NXNL2: variants seen among roughly 807,000 people sequenced by gnomAD.
The protein encoded by NXNL2 is nucleoredoxin-like protein 2.
NXNL2 carries 7 observed loss-of-function variants against 11.1 expected under a neutral mutation model. That is an observed-to-expected ratio of 0.63 (90% CI 0.36 to 1.18). The LOEUF (loss-of-function observed/expected upper bound fraction) is 1.18. Among genes scored for constraint, NXNL2 ranks in the 50% most tolerant of loss-of-function variants. The pLI is 0.02. For missense variants in NXNL2, 233 were observed against 217.7 expected, an observed-to-expected ratio of 1.07 and a Z score of -0.44; for synonymous variants, 109 against 101.8, an observed-to-expected ratio of 1.07 and a Z score of -0.42.
chr9:88,550,141 G>A lies in NXNL2; in HGVS notation c.302+14405G>A, dbSNP rs533851309. Among the ~76,000 whole-genome samples the A allele has an allele frequency of 9.2e-5, 14 of 152,260 alleles. No homozygotes were observed. In the East Asian group the frequency reaches 2.7e-3, roughly 29 times the overall value. ...CCTGCCACACACTTTTAAACTACCA[G>A]ATCTTGCAAGAGCTCAGTCACTATT... On this transcript the variant is annotated intron_variant, in intron 1 of 2. Coordinates refer to the NXNL2 transcript ENST00000375855.
At position 88,570,265 on chromosome 9, in the gene NXNL2, C is replaced by T. The variant is rs547941185; in HGVS notation, c.303-822C>T. 3.2e-3 allele frequency among the ~76,000 whole-genome samples: 493 copies of T among 151,890 alleles called. 3 individuals are homozygous for T. Among genetic ancestry groups the T allele is most frequent in the African/African-American group, 0.011 (465 of 41,410 alleles). On this transcript the variant is annotated intron_variant, in intron 1 of 2. Transcript: ENST00000375855. ...TCCCAAAAAGCTGGGATTACAGGCA[C>T]GTGCCACCATGTCCGGCTAATTTTG...
chr9:88,566,677 A>C (rs796150183), intron 1 of NXNL2, among the ~76,000 whole-genome samples: 8 of 152,198 alleles, frequency 5.3e-5, no homozygotes, highest in African/African-American at 1.9e-4. Flanking sequence ...TTTTGAGTTG[A>C]TTTTTGTGTA....
downstream of NXNL2, among the ~76,000 whole-genome samples, chr9:88,577,363 C>G (rs1191285321): frequency 6.6e-6 from 1 of 151,998 alleles, no homozygotes; most frequent in Admixed American, 6.6e-5. Context: ...GTGAGAACAG[C>G]CCTGCACAGA....
intron 1 of NXNL2, among the ~76,000 whole-genome samples, chr9:88,569,200 G>C (rs1350071404): frequency 1.3e-5 from 2 of 152,142 alleles, no homozygotes; most frequent in Non-Finnish European, 2.9e-5. Flanking sequence ...CAAAATATTG[G>C]GATTACAGGC....
chr9:88,554,682 G>A (rs923866334), intron 1 of NXNL2, among the ~76,000 whole-genome samples: 1 of 152,154 alleles, frequency 6.6e-6, no homozygotes, highest in Non-Finnish European at 1.5e-5. Context: ...CAGAGCCCTG[G>A]ATATAACAAC....
chr9:88,564,807 T>C (rs1221429282), intron 1 of NXNL2, among the ~76,000 whole-genome samples: 1 of 152,252 alleles, frequency 6.6e-6, no homozygotes, highest in African/African-American at 2.4e-5. Flanking sequence ...CTGTCTATTA[T>C]ACATTTACTA....
chr9:88,569,481 C>A (rs1830227433), intron 1 of NXNL2, among the ~76,000 whole-genome samples: 1 of 152,082 alleles, frequency 6.6e-6, no homozygotes, highest in Non-Finnish European at 1.5e-5. Flanking sequence ...TTTTGCCTTC[C>A]TTAGTATAAT....
downstream of NXNL2, among the ~76,000 whole-genome samples, chr9:88,577,907 G>A (rs953256703): frequency 6.6e-6 from 1 of 152,186 alleles, no homozygotes; most frequent in Non-Finnish European, 1.5e-5. Flanking sequence ...CCAGCGGTGG[G>A]TCTGGCAGCA....
intron 1 of NXNL2, chr9:88,538,389 A>G (rs1829674093): frequency 6.6e-6 from 1 of 152,248 alleles, no homozygotes; most frequent in Non-Finnish European, 1.5e-5. Flanking sequence ...CTTGAACAGT[A>G]AAGGTTATGG....
chr9:88,559,829 C>T (rs12338386), intron 1 of NXNL2, among the ~76,000 whole-genome samples: 5,080 of 152,300 alleles, frequency 0.033, 250 homozygotes, highest in African/African-American at 0.11. Context: ...CTGGCCATTT[C>T]CACTTCTCAT....
At chr9:88,563,073 C>T (rs538378860) in intron 1 of NXNL2, among the ~76,000 whole-genome samples, 8 of 152,158 alleles carry the variant, frequency 5.3e-5, no homozygotes, top group African/African-American at 9.6e-5. Context: ...GGTGACAGAA[C>T]GAGACTCCAT....
At chr9:88,536,416 G>T (rs540031595) in intron 1 of NXNL2, among the ~76,000 whole-genome samples, 1 of 152,290 alleles carries the variant, frequency 6.6e-6, no homozygotes, top group East Asian at 1.9e-4. Flanking sequence ...AAAGGAGGGG[G>T]TAGGGATTGG....
Position 88,563,491 on chromosome 9 carries a change from C to T in NXNL2, c.303-7596C>T, listed in dbSNP as rs12335732. On this transcript the variant is annotated intron_variant, in intron 1 of 2. Coordinates refer to the NXNL2 transcript ENST00000375855. ...GAACCGCCCACTCCCACCCTCCTTG[C>T]GCCCCTCAGCCTCTCACTTGCGTGG... Among the ~76,000 whole-genome samples, 1,010 of 152,316 alleles carry T rather than the reference C, an allele frequency of 6.6e-3. 6 individuals carry two copies. The highest frequency in any genetic ancestry group is 0.022 in the African/African-American group (905 of 41,570).
chr9:88,553,784 G>GT (rs779586541), intron 1 of NXNL2, among the ~76,000 whole-genome samples: 23 of 151,978 alleles, frequency 1.5e-4, no homozygotes, highest in Non-Finnish European at 3.1e-4. Context: ...AAGCCTTATG[G>GT]TTTTTTTGGG....
chr9:88,573,680 T>C (rs1830307445), intron 2 of NXNL2, among the ~76,000 whole-genome samples: 1 of 152,182 alleles, frequency 6.6e-6, no homozygotes, highest in South Asian at 2.1e-4. Flanking sequence ...TGGGGCACGG[T>C]TTTTAGTGGG....
At chr9:88,557,748 A>C (rs1402564020) in intron 1 of NXNL2, among the ~76,000 whole-genome samples, 5 of 152,244 alleles carry the variant, frequency 3.3e-5, no homozygotes, top group Non-Finnish European at 7.3e-5. Flanking sequence ...CCAGCCAACC[A>C]GCAGCCACTC....
At chr9:88,546,430 T>TTTTTTC (rs1446418835), downstream of NXNL2, among the ~76,000 whole-genome samples, 1 of 147,910 alleles carries the variant, frequency 6.8e-6, no homozygotes, top group Non-Finnish European at 1.5e-5. Context: ...TTTTTTTTTT[T>TTTTTTC]TTTTTCTGAG....
chr9:88,549,010 C>T (rs1829890330), downstream of NXNL2, among the ~76,000 whole-genome samples: 2 of 152,184 alleles, frequency 1.3e-5, no homozygotes, highest in Admixed American at 1.3e-4. Context: ...GCCATTTTGA[C>T]CTTGGACTTA....
intron 1 of NXNL2, among the ~76,000 whole-genome samples, chr9:88,560,709 G>A (rs1311471012): frequency 6.6e-6 from 1 of 152,110 alleles, no homozygotes; most frequent in Non-Finnish European, 1.5e-5. Context: ...TTGAGTCCAA[G>A]TCTAGCCTGG....
Sources: gnomAD v4.1 joint callset for allele counts (sites outside exome capture counted in the v4.1 genomes callset) on GRCh38, gnomAD v4.1.1 for gene constraint, MANE v1.5 for transcripts, NCBI Gene and HGNC (gene_info 2026-07-23, HGNC 2026-07-21) for gene names.